Variants in FRMPD2 observed in about 807,000 individuals in gnomAD.
FRMPD2 encodes the protein FERM and PDZ domain-containing protein 2.
Under a neutral mutation model 140.1 loss-of-function variants are expected in FRMPD2, and 96 were observed. That is an observed-to-expected ratio of 0.69 (90% CI 0.58 to 0.81). The LOEUF (loss-of-function observed/expected upper bound fraction) is 0.81, where lower values mean the gene tolerates loss of function less well. Among genes scored for constraint, FRMPD2 ranks in the 40% least tolerant of loss-of-function variants. FRMPD2 has a pLI of 0.00. For synonymous variants in FRMPD2, 449 were observed against 547.6 expected, an observed-to-expected ratio of 0.82 and a Z score of 2.52; for missense variants, 1,240 against 1,447.4, an observed-to-expected ratio of 0.86 and a Z score of 2.32.
intron 18 of FRMPD2, 30 bp from the exon 19 acceptor site, chr10:48,184,911 G>T: frequency 6.6e-7 from 1 of 1,523,704 alleles, no homozygotes; most frequent in South Asian, 1.2e-5. Context: ...TCCATGATAA[G>T]ATGATACTTA....
rs984281346 is a variant in FRMPD2, at chr10:48,235,791, A to G, written c.993+691T>C. ...GGACAACAGAGATATGGGCCTGAAC[A>G]TGGACAGATATGTTCTGGGGAGCTC... On this transcript the variant is annotated intron_variant, in intron 9 of 28. Transcript: ENST00000374201. 1.3e-5 allele frequency among the ~76,000 whole-genome samples: 2 copies of G among 152,200 alleles called. 1 individual carries two copies. The highest frequency in any genetic ancestry group is 1.3e-4 in the Admixed American group (2 of 15,282).
At chr10:48,267,246 A>G (rs1254222326) in intron 1 of FRMPD2, among the ~76,000 whole-genome samples, 1 of 152,222 alleles carries the variant, frequency 6.6e-6, no homozygotes, top group Non-Finnish European at 1.5e-5. Context: ...CAGATGTCAG[A>G]ATTATCTGAC....
intron 1 of FRMPD2, among the ~76,000 whole-genome samples, chr10:48,259,506 C>T (rs1280860444): frequency 1.3e-5 from 2 of 152,206 alleles, no homozygotes; most frequent in African/African-American, 4.8e-5. Flanking sequence ...GTATTATGCG[C>T]TATTAATCTA....
At chr10:48,231,259 AG>A (rs1467199100) in intron 10 of FRMPD2, among the ~76,000 whole-genome samples, 1 of 152,232 alleles carries the variant, frequency 6.6e-6, no homozygotes, top group Non-Finnish European at 1.5e-5. Flanking sequence ...TGGAGCTGGG[AG>A]GCCATAAGGG....
chr10:48,223,229 T>G lies in FRMPD2; in HGVS notation c.1210A>C (p.Lys404Gln). Residue 404 changes from lysine (K) to glutamine (Q), a missense_variant, in exon 11 of 29, where the codon AAA becomes CAA. By Grantham distance (53) the Lys-to-Gln change is moderately conservative (BLOSUM62 1). Around this residue, in one of 6 missense-constraint regions of FRMPD2, gnomAD observed 1,161 missense variants for 1,055.9 expected, o/e 1.10. Transcript: ENST00000374201. ...TCTCTCCAGCCTTCAGGAGCTATTTTGCACAATCTGGTTTCACTGTCCAGG... is the reference window on the plus strand; with the variant it reads ...TCTCTCCAGCCTTCAGGAGCTATTTGGCACAATCTGGTTTCACTGTCCAGG... Reference protein sequence around the residue: ...FFLDSETRLCKIAPEGWREQP... With the variant: ...FFLDSETRLCQIAPEGWREQP... 6.2e-7 allele frequency: 1 copy of G among 1,614,010 alleles called. No individual in the cohort carries two copies. The highest frequency in any genetic ancestry group is 8.5e-7 in the Non-Finnish European group (1 of 1,179,934).
chr10:48,256,781 G>A (rs1840498476), intron 1 of FRMPD2, among the ~76,000 whole-genome samples: 1 of 152,106 alleles, frequency 6.6e-6, no homozygotes, highest in African/African-American at 2.4e-5. Flanking sequence ...GTCTGTCCTT[G>A]GAACACTCCT....
intron 21 of FRMPD2, among the ~76,000 whole-genome samples, chr10:48,180,075 G>A (rs1172773774): frequency 6.6e-6 from 1 of 151,832 alleles, no homozygotes; most frequent in African/African-American, 2.4e-5. Context: ...TCAGCACAGG[G>A]AAAGAGTGGA....
intron 1 of FRMPD2, among the ~76,000 whole-genome samples, chr10:48,270,318 A>G (rs1003443431): frequency 6.6e-6 from 1 of 152,152 alleles, no homozygotes; most frequent in Non-Finnish European, 1.5e-5. Context: ...ATGTGTGGCC[A>G]ATTTGCGACA....
intron 1 of FRMPD2, among the ~76,000 whole-genome samples, chr10:48,256,425 A>G (rs1840491524): frequency 6.6e-6 from 1 of 152,178 alleles, no homozygotes; most frequent in Admixed American, 6.5e-5. Flanking sequence ...TTGACTGACT[A>G]TATAGTGGCT....
At chr10:48,230,148 T>G (rs1233602401) in intron 10 of FRMPD2, among the ~76,000 whole-genome samples, 3 of 152,224 alleles carry the variant, frequency 2.0e-5, no homozygotes, top group African/African-American at 7.2e-5. Context: ...TCCTTGTATG[T>G]TATCTATAGT....
At chr10:48,204,263 A>G (rs971138629) in intron 14 of FRMPD2, among the ~76,000 whole-genome samples, 3 of 152,198 alleles carry the variant, frequency 2.0e-5, no homozygotes, top group Non-Finnish European at 4.4e-5. Context: ...TATACTCTAT[A>G]ATTGTGTATA....
rs1839710285 is a variant in FRMPD2, at chr10:48,225,881, T to C, written c.1169-2611A>G. Among the ~76,000 whole-genome samples the C allele has an allele frequency of 2.0e-5, 3 of 152,210 alleles. No homozygotes were observed. The South Asian group carries it at 6.2e-4, about 32-fold the overall frequency. Reference sequence around the variant, plus strand: ...ACCCTCATTTTGGCTTGCTTTGACTTGATTCGAGATCTGGTTTTATAGGTC... The same window carrying C: ...ACCCTCATTTTGGCTTGCTTTGACTCGATTCGAGATCTGGTTTTATAGGTC... On this transcript the variant is annotated intron_variant, in intron 10 of 28. Coordinates refer to ENST00000374201, the MANE Select transcript of FRMPD2 (RefSeq NM_001018071.4).
At chr10:48,173,590 C>A (rs1170858660) in intron 24 of FRMPD2, among the ~76,000 whole-genome samples, 3 of 152,124 alleles carry the variant, frequency 2.0e-5, no homozygotes, top group African/African-American at 7.3e-5. Context: ...ACCCTGTCTG[C>A]ACCCTTCTTG....
intron 17 of FRMPD2, 105 bp downstream of exon 17, chr10:48,187,087 C>A (rs1261353465): frequency 8.6e-6 from 6 of 701,104 alleles, no homozygotes; most frequent in African/African-American, 3.6e-5. Context: ...AAGAAGGTTA[C>A]AAACATTGTG....
intron 20 of FRMPD2, among the ~76,000 whole-genome samples, chr10:48,181,994 T>C (rs1368717959): frequency 3.3e-5 from 5 of 151,530 alleles, no homozygotes; most frequent in Admixed American, 6.6e-5. Flanking sequence ...TCCACAAATA[T>C]ATGTGGGAGG....
intron 15 of FRMPD2, among the ~76,000 whole-genome samples, chr10:48,196,527 G>A (rs1838955037): frequency 6.6e-6 from 1 of 152,186 alleles, no homozygotes; most frequent in Non-Finnish European, 1.5e-5. Context: ...AAGAGAGGGT[G>A]CAGGCCCAGA....
chr10:48,269,927 A>T (rs1840738514), intron 1 of FRMPD2, among the ~76,000 whole-genome samples: 1 of 152,056 alleles, frequency 6.6e-6, no homozygotes, highest in South Asian at 2.1e-4. Context: ...CCTGGGCTTT[A>T]TTTACCACAT....
At chr10:48,209,191 A>G (rs1162794876) in intron 13 of FRMPD2, among the ~76,000 whole-genome samples, 1 of 152,226 alleles carries the variant, frequency 6.6e-6, no homozygotes, top group African/African-American at 2.4e-5. Context: ...TGCATTTGTT[A>G]TAATGCTAAG....
chr10:48,236,014 C>T (rs1346698858), intron 9 of FRMPD2, among the ~76,000 whole-genome samples: 1 of 152,160 alleles, frequency 6.6e-6, no homozygotes, highest in Non-Finnish European at 1.5e-5. Context: ...CCTCCTACCA[C>T]CTGCCATGCT....
Sources: allele counts gnomAD v4.1 joint callset (sites outside exome capture counted in the v4.1 genomes callset), GRCh38; gene constraint gnomAD v4.1.1; regional missense constraint gnomAD v4.1.1; transcripts MANE v1.5; gene names NCBI Gene and HGNC (gene_info 2026-07-23, HGNC 2026-07-21).